Variants in PHLDB2 observed in about 807,000 individuals in gnomAD.
The protein encoded by PHLDB2 is pleckstrin homology like domain family B member 2.
Under a neutral mutation model 123.6 loss-of-function variants are expected in PHLDB2, and 71 were observed. That is an observed-to-expected ratio of 0.57 (90% CI 0.47 to 0.70). The LOEUF (loss-of-function observed/expected upper bound fraction) is 0.70. Ranked by LOEUF, PHLDB2 falls within the 30% of genes least tolerant of loss-of-function variation. The pLI, the probability that PHLDB2 is intolerant of heterozygous loss-of-function variation, is 0.00. For missense variants in PHLDB2, 1,446 were observed against 1,519.5 expected (o/e 0.95, Z 0.80); for synonymous variants, 547 against 541.6 (o/e 1.01, Z -0.14).
At chr3:111,960,376 T>G (rs571647338) in intron 12 of PHLDB2, among the ~76,000 whole-genome samples, 1 of 152,236 alleles carries the variant, frequency 6.6e-6, no homozygotes, top group Non-Finnish European at 1.5e-5. Context: ...AAAATACATA[T>G]GTATTTATAA....
chr3:111,754,059 AG>A (rs2059835707), intron 1 of PHLDB2, among the ~76,000 whole-genome samples: 1 of 151,926 alleles, frequency 6.6e-6, no homozygotes, highest in Non-Finnish European at 1.5e-5. Context: ...GTAGCCTTGT[AG>A]TATAGTTTGA....
intron 1 of PHLDB2, among the ~76,000 whole-genome samples, chr3:111,738,883 G>T (rs939256246): frequency 5.9e-5 from 9 of 152,134 alleles, no homozygotes; most frequent in Non-Finnish European, 1.2e-4. Flanking sequence ...GGGTCTACTT[G>T]CTCTTCTGCC....
chr3:111,743,790 T>TA (rs2059641517), intron 1 of PHLDB2, among the ~76,000 whole-genome samples: 3 of 152,244 alleles, frequency 2.0e-5, no homozygotes, highest in African/African-American at 7.2e-5. Context: ...ACTTTCATCA[T>TA]CTTAAGCAAT....
intron 10 of PHLDB2, among the ~76,000 whole-genome samples, chr3:111,950,682 G>A (rs1181495256): frequency 6.6e-6 from 1 of 152,104 alleles, no homozygotes; most frequent in Non-Finnish European, 1.5e-5. Flanking sequence ...AAGATCCTAA[G>A]GAGTCATTGC....
At chr3:111,895,573 C>T (rs537527457) in intron 2 of PHLDB2, among the ~76,000 whole-genome samples, 86 of 152,236 alleles carry the variant, frequency 5.6e-4, no homozygotes, top group South Asian at 5.0e-3. Context: ...GGAGGCCAGG[C>T]GTGTTGGCTC....
intron 12 of PHLDB2, among the ~76,000 whole-genome samples, chr3:111,961,783 A>G (rs1445111233): frequency 6.6e-6 from 1 of 152,136 alleles, no homozygotes; most frequent in Non-Finnish European, 1.5e-5. Context: ...AGCTATTTCT[A>G]GAGGATTCAG....
At chr3:111,880,969 C>G (rs114659242) in intron 1 of PHLDB2, among the ~76,000 whole-genome samples, 4,421 of 152,220 alleles carry the variant, frequency 0.029, 81 homozygotes, top group Non-Finnish European at 0.041. Context: ...CTTTAGATTC[C>G]TTACCTCCTT....
chr3:111,907,878 C>A (rs2067646740), intron 2 of PHLDB2, among the ~76,000 whole-genome samples: 1 of 152,050 alleles, frequency 6.6e-6, no homozygotes, highest in Non-Finnish European at 1.5e-5. Flanking sequence ...CTCATTGCAA[C>A]CTCCGCCTCC....
intron 12 of PHLDB2, 106 bp downstream of exon 12, chr3:111,954,135 C>A: frequency 3.1e-6 from 3 of 967,506 alleles, no homozygotes; most frequent in Non-Finnish European, 4.6e-6. Flanking sequence ...AGGGATCAAC[C>A]AAAGGCCTAA....
At chr3:111,776,102 C>T (rs1330903731) in intron 1 of PHLDB2, among the ~76,000 whole-genome samples, 1 of 152,086 alleles carries the variant, frequency 6.6e-6, no homozygotes, top group Non-Finnish European at 1.5e-5. Context: ...ACTGAGAGCC[C>T]CTCATAACTG....
chr3:111,928,624 A>G (rs568625832), intron 5 of PHLDB2, among the ~76,000 whole-genome samples: 1 of 152,360 alleles, frequency 6.6e-6, no homozygotes, highest in East Asian at 1.9e-4. Context: ...ATGAACAAAC[A>G]ACTCACTATG....
At chr3:111,972,834 TTTATTTGCACACACACGAGATC>T (rs2072294504) in intron 16 of PHLDB2, among the ~76,000 whole-genome samples, 1 of 152,132 alleles carries the variant, frequency 6.6e-6, no homozygotes, top group African/African-American at 2.4e-5. Flanking sequence ...TCCATGTACA[TTTATTTGCACACACACGAGATC>T]TTATACAGTA....
intron 1 of PHLDB2, among the ~76,000 whole-genome samples, chr3:111,878,835 AT>A (rs1280754344): frequency 6.6e-6 from 1 of 152,120 alleles, no homozygotes; most frequent in African/African-American, 2.4e-5. Context: ...ATTGGTTCTG[AT>A]TATGTGATGG....
intron 2 of PHLDB2, among the ~76,000 whole-genome samples, chr3:111,898,176 G>T (rs1317051481): frequency 8.4e-6 from 1 of 119,024 alleles, no homozygotes; most frequent in Non-Finnish European, 1.8e-5. Flanking sequence ...GTGTGTGTGT[G>T]TGTGTTTGTG....
upstream of PHLDB2, among the ~76,000 whole-genome samples, chr3:111,855,429 CTT>C (rs1484535384): frequency 1.3e-5 from 2 of 151,468 alleles, no homozygotes; most frequent in East Asian, 1.9e-4. Flanking sequence ...TCCTTTCTTT[CTT>C]TCTCTCTCTC....
chr3:111,878,417 C>T (rs940377727), intron 1 of PHLDB2, among the ~76,000 whole-genome samples: 26 of 152,112 alleles, frequency 1.7e-4, no homozygotes, highest in Non-Finnish European at 3.1e-4. Flanking sequence ...CCTGAGACTT[C>T]GCTGAAGTTG....
intron 6 of PHLDB2, among the ~76,000 whole-genome samples, chr3:111,939,232 G>A (rs1338321596): frequency 2.0e-5 from 3 of 151,894 alleles, no homozygotes; most frequent in East Asian, 1.9e-4. Context: ...TGGGTTTAAC[G>A]CAAGAATTCT....
intron 14 of PHLDB2, 29 bp downstream of exon 14, chr3:111,966,732 C>T: frequency 6.3e-7 from 1 of 1,584,988 alleles, no homozygotes; most frequent in Non-Finnish European, 8.7e-7. Context: ...TGCCGGAGGT[C>T]TGTGATACCG....
intron 1 of PHLDB2, among the ~76,000 whole-genome samples, chr3:111,873,161 T>C (rs1321842131): frequency 6.6e-6 from 1 of 152,212 alleles, no homozygotes; most frequent in Non-Finnish European, 1.5e-5. Flanking sequence ...ATCCTGCTTG[T>C]TGCTTCCCTA....
Sources: allele counts gnomAD v4.1 joint callset (sites outside exome capture counted in the v4.1 genomes callset), GRCh38; gene constraint gnomAD v4.1.1; transcripts MANE v1.5; gene names NCBI Gene and HGNC (gene_info 2026-07-23, HGNC 2026-07-21).